The following SCFD1 variants were observed in gnomAD, a reference collection of about 807,000 sequenced individuals.
The protein encoded by SCFD1 is sec1 family domain-containing protein 1.
A neutral mutation model predicts 103.2 loss-of-function variants in SCFD1; 37 were observed. The observed-to-expected ratio is 0.36, with a 90% CI of 0.28 to 0.47. The LOEUF is 0.47. Ranked by LOEUF, SCFD1 falls within the 20% of genes least tolerant of loss-of-function variation. The probability of loss-of-function intolerance (pLI) is 1.00; values close to 1 mark genes in which losing one functional copy is unlikely to be tolerated. For synonymous variants in SCFD1, 264 were observed against 245.0 expected (o/e 1.08, Z -0.73); for missense variants, 639 against 761.2 (o/e 0.84, Z 1.89).
rs547691635 is a variant in SCFD1 at position 30,725,699 on chromosome 14, T to C, written c.1836+3140T>C. Among the ~76,000 whole-genome samples, 4 of 152,340 alleles carry C rather than the reference T, an allele frequency of 2.6e-5. No homozygotes were observed. In the East Asian group the frequency reaches 7.7e-4, roughly 29 times the overall value. ...TTTTCTTTCTCTTGCCTGATTGCCC[T>C]GGCCAGAACTTCCAATACTATGTTG... On this transcript the variant is annotated intron_variant, in intron 23 of 24. Coordinates refer to ENST00000458591, the MANE Select transcript of SCFD1 (RefSeq NM_016106.4).
intron 10 of SCFD1, among the ~76,000 whole-genome samples, chr14:30,663,824 C>T (rs1232189284): frequency 6.6e-6 from 1 of 152,202 alleles, no homozygotes; most frequent in Non-Finnish European, 1.5e-5. Context: ...GGACAATTAA[C>T]TTCTTTATGC....
intron 9 of SCFD1, among the ~76,000 whole-genome samples, chr14:30,651,811 C>A (rs1264978304): frequency 6.6e-6 from 1 of 152,098 alleles, no homozygotes; most frequent in African/African-American, 2.4e-5. Flanking sequence ...ACATTTGAAT[C>A]CAACCATAGG....
At chr14:30,622,284 C>T, upstream of SCFD1, 9 of 1,589,274 alleles carry the variant, frequency 5.7e-6, no homozygotes, top group South Asian at 1.1e-5. Flanking sequence ...GTAAGGGCAG[C>T]CACGTCATCC....
intron 13 of SCFD1, among the ~76,000 whole-genome samples, chr14:30,674,689 C>T (rs17097068): frequency 5.3e-5 from 8 of 151,902 alleles, no homozygotes; most frequent in South Asian, 2.1e-4. Context: ...ATACAGATAA[C>T]GCATGTTTCC....
rs1056769312 is a variant in SCFD1 at position 30,622,412 on chromosome 14, T to C, written c.61+13T>C. On this transcript the variant is annotated intron_variant, in intron 1 of 24. Transcript: ENST00000458591. ...GAAAGGCAGACAGGTACTGACTTAT[T>C]CTCTTCTCCTTGAAGCTTCGTGACT... The C allele has an allele frequency of 1.0e-5, 16 of 1,551,434 alleles. No homozygotes were observed. Among genetic ancestry groups the C allele is most frequent in the African/African-American group, 1.4e-5 (1 of 73,044 alleles).
chr14:30,707,695 T>C (rs527692339), intron 18 of SCFD1: 10 of 356,236 alleles, frequency 2.8e-5, no homozygotes, highest in Admixed American at 8.0e-5. Flanking sequence ...AAAAAAAATA[T>C]AGCTAAGACT....
chr14:30,702,129 C>G (rs1891121776), intron 16 of SCFD1, among the ~76,000 whole-genome samples, 167 bp from the exon 17 acceptor site: 4 of 152,132 alleles, frequency 2.6e-5, no homozygotes, highest in Admixed American at 2.6e-4. Context: ...ATTTTCTTGT[C>G]TTGGGTGCTC....
chr14:30,735,258 TGAC>T (rs914039342), intron 24 of SCFD1, among the ~76,000 whole-genome samples: 1 of 152,176 alleles, frequency 6.6e-6, no homozygotes, highest in African/African-American at 2.4e-5. Context: ...TTCTTTACTA[TGAC>T]GACGTTTATT....
At chr14:30,735,529 T>C (rs1594785521) in intron 24 of SCFD1, 57 bp from the exon 25 acceptor site, 3 of 1,186,726 alleles carry the variant, frequency 2.5e-6, no homozygotes, top group South Asian at 2.6e-5. Context: ...TATGTTTGAA[T>C]GTTTCTTTTA....
chr14:30,670,449 T>C, intron 11 of SCFD1, 54 bp downstream of exon 11: 1 of 1,313,128 alleles, frequency 7.6e-7, no homozygotes, highest in Non-Finnish European at 1.0e-6. Flanking sequence ...GAAATTAAGG[T>C]GTCATCCACC....
At chr14:30,654,284 C>T (rs943359085) in intron 10 of SCFD1, among the ~76,000 whole-genome samples, 1 of 152,172 alleles carries the variant, frequency 6.6e-6, no homozygotes, top group Admixed American at 6.5e-5. Context: ...TTTGTTAAAA[C>T]TAACACTGTA....
At chr14:30,648,853 G>T (rs946060185) in intron 7 of SCFD1, among the ~76,000 whole-genome samples, 1 of 151,982 alleles carries the variant, frequency 6.6e-6, no homozygotes, top group African/African-American at 2.4e-5. Context: ...CTGTGCCTGC[G>T]GTCCCAGCTA....
intron 7 of SCFD1, 129 bp downstream of exon 7, chr14:30,643,534 T>C (rs1452095985): frequency 1.5e-6 from 1 of 663,714 alleles, no homozygotes; most frequent in East Asian, 2.7e-5. Flanking sequence ...TGGAGTAAAA[T>C]ATATATTCAA....
At chr14:30,626,305 G>C (rs1471907790) in intron 1 of SCFD1, among the ~76,000 whole-genome samples, 1 of 151,910 alleles carries the variant, frequency 6.6e-6, no homozygotes, top group African/African-American at 2.4e-5. Flanking sequence ...TATGTCTGTA[G>C]GTGTATGGTA....
chr14:30,652,881 C>T (rs1417864442), intron 9 of SCFD1, among the ~76,000 whole-genome samples: 2 of 151,948 alleles, frequency 1.3e-5, no homozygotes, highest in Non-Finnish European at 2.9e-5. Context: ...TGGTGGTGCA[C>T]ACCTGGAGTC....
At chr14:30,683,183 G>A (rs1594692693) in intron 14 of SCFD1, 2 of 1,101,018 alleles carry the variant, frequency 1.8e-6, no homozygotes, top group Middle Eastern at 4.3e-4. Flanking sequence ...GGCTGGAGAT[G>A]GAGAGTGTTC....
chr14:30,644,031 A>G (rs760671120), intron 7 of SCFD1: 8 of 455,502 alleles, frequency 1.8e-5, no homozygotes, highest in Non-Finnish European at 3.5e-5. Context: ...AGACCCCAAT[A>G]TCTATTATTC....
Position 30,639,765 on chromosome 14 carries a change from T to C in SCFD1, c.436-12T>C. 6.4e-7 allele frequency: 1 copy of C among 1,562,832 alleles called. No individual in the cohort carries two copies. The highest frequency in any genetic ancestry group is 8.6e-7 in the Non-Finnish European group (1 of 1,156,344). ...GTAAGATTGATTTGTAAACCTTTTC[T>C]TTTGTTTCTAGGTTTTTGACCAATA... On this transcript the variant is annotated splice_polypyrimidine_tract_variant and intron_variant, in intron 5 of 24. Coordinates refer to ENST00000458591, the MANE Select transcript of SCFD1 (RefSeq NM_016106.4).
intron 10 of SCFD1, among the ~76,000 whole-genome samples, chr14:30,667,120 C>G (rs1369594243): frequency 6.6e-6 from 1 of 152,146 alleles, no homozygotes; most frequent in Non-Finnish European, 1.5e-5. Context: ...AATTTTAGAC[C>G]AATATCCCTG....
Sources: allele counts gnomAD v4.1 joint callset (sites outside exome capture counted in the v4.1 genomes callset), GRCh38; gene constraint gnomAD v4.1.1; transcripts MANE v1.5; gene names NCBI Gene and HGNC (gene_info 2026-07-23, HGNC 2026-07-21).